NCOR2: variants seen among roughly 807,000 people sequenced by gnomAD.
The protein encoded by NCOR2 is CTG repeat protein 26.
In NCOR2, 81 loss-of-function variants were observed where a neutral mutation model predicts 262.9. That is an observed-to-expected ratio of 0.31 (90% CI 0.26 to 0.37). The LOEUF (loss-of-function observed/expected upper bound fraction) is 0.37, where lower values mean the gene tolerates loss of function less well. Among genes scored for constraint, NCOR2 ranks in the 10% least tolerant of loss-of-function variants. The pLI is 1.00. For synonymous variants in NCOR2, 1,659 were observed against 1,559.3 expected (o/e 1.06, Z -1.51); for missense variants, 3,385 against 3,621.4 (o/e 0.93, Z 1.68).
chr12:124,349,307 C>T (rs762309405), intron 28 of NCOR2, among the ~76,000 whole-genome samples: 7 of 152,182 alleles, frequency 4.6e-5, no homozygotes, highest in African/African-American at 7.2e-5. Context: ...AAATGAGCCC[C>T]GGGAGCCCCC....
chr12:124,405,929 A>G (rs1461180546), intron 13 of NCOR2, among the ~76,000 whole-genome samples: 1 of 152,124 alleles, frequency 6.6e-6, no homozygotes, highest in Non-Finnish European at 1.5e-5. Context: ...TCAAGGTCCC[A>G]TGACATTGGC....
At chr12:124,324,545 G>A (rs2034499208) in exon 47 of NCOR2, 1 of 152,340 alleles carries the variant, frequency 6.6e-6, no homozygotes, top group African/African-American at 2.4e-5. Context: ...GGAGGACACA[G>A]CGGGGCGTGA....
intron 41 of NCOR2, 75 bp downstream of exon 43, chr12:124,334,349 C>A: frequency 3.5e-6 from 4 of 1,153,574 alleles, no homozygotes; most frequent in Non-Finnish European, 4.9e-6. Flanking sequence ...GAGCTCAGAC[C>A]CAGCTCTGAG....
Position 124,495,245 on chromosome 12 carries a change from C to G in NCOR2, c.7G>C (p.Gly3Arg). ...GTCTGTGCCACAGGCTGTGTGGATC[C>G]CGACATGGTGGTGGGGGTCGGCGGG... Residue 3 changes from glycine (G) to arginine (R), a missense_variant, in exon 1 of 47, where the codon GGA (glycine) becomes CGA (arginine). By Grantham distance (125) the Gly-to-Arg change is moderately radical. This residue lies in a region of NCOR2 where 237 missense variants were observed against 229.4 expected (regional missense o/e 1.03). Coordinates refer to ENST00000405201, the Ensembl canonical transcript of NCOR2. The surrounding 1 kb of genome is among the most constrained non-coding windows in gnomAD (Gnocchi z 4.4). 1 of 1,612,228 alleles carries G rather than the reference C, an allele frequency of 6.2e-7. No homozygotes were observed.
chr12:124,358,110 C>CATGT, intron 22 of NCOR2, among the ~76,000 whole-genome samples: 1 of 88,004 alleles, frequency 1.1e-5, no homozygotes, highest in Middle Eastern at 0.012. Context: ...CGCGCACGTG[C>CATGT]GTGCGTGTGA....
chr12:124,486,354 T>C, intron 2 of NCOR2, 87 bp downstream of exon 4: 2 of 1,554,366 alleles, frequency 1.3e-6, no homozygotes, highest in Non-Finnish European at 1.7e-6. Context: ...GGACCCTGTG[T>C]GCTCCTGCTC....
intron 22 of NCOR2, among the ~76,000 whole-genome samples, chr12:124,360,004 C>T (rs1032165966): frequency 6.6e-6 from 1 of 152,352 alleles, no homozygotes; most frequent in East Asian, 1.9e-4. Flanking sequence ...CGGCACAGGC[C>T]CTGGCCACAC....
chr12:124,531,817 A>T lies in NCOR2; in HGVS notation c.-118+3748T>A, dbSNP rs939896. 0.25 allele frequency among the ~76,000 whole-genome samples: 35,694 copies of T among 144,964 alleles called. 5,018 individuals are homozygous for T. The highest frequency in any genetic ancestry group is 0.32 in the Non-Finnish European group (21,541 of 66,524). ...CCGATCACCCGCCCAGGGTACCCCGAGACCCCAGCCCCCACCCACACCGGA... is the reference window on the plus strand; with the variant it reads ...CCGATCACCCGCCCAGGGTACCCCGTGACCCCAGCCCCCACCCACACCGGA... On this transcript the variant is annotated intron_variant, in intron 1 of 46. Coordinates refer to the NCOR2 transcript ENST00000404621. This position sits in a 1 kb window ranked among gnomAD's most constrained non-coding sequence, Gnocchi z 4.5.
chr12:124,416,681 C>T (rs2042884128), intron 13 of NCOR2, among the ~76,000 whole-genome samples: 1 of 143,154 alleles, frequency 7.0e-6, no homozygotes, highest in African/African-American at 2.6e-5. Flanking sequence ...GGGAGACCCG[C>T]GACACAGGGA....
intron 17 of NCOR2, among the ~76,000 whole-genome samples, chr12:124,382,993 C>A (rs529330510): frequency 1.2e-4 from 19 of 152,196 alleles, no homozygotes; most frequent in Non-Finnish European, 2.4e-4. Flanking sequence ...AGCTCCAAAG[C>A]CCTGCTCTGC....
In NCOR2 at chr12:124,457,255, C is replaced by T; in HGVS notation, c.706-93G>A. The stretch of plus-strand genomic sequence containing the variant: ...CTTCCCGGAGCAGCGGGCACCTGCC[C>T]AGCCCAGTCCAGCATGCTGATCCTC... On this transcript the variant is annotated intron_variant, in intron 5 of 46. Transcript: ENST00000405201. The surrounding 1 kb of genome is among the most constrained non-coding windows in gnomAD (Gnocchi z 4.0). The T allele has an allele frequency of 1.5e-6, 2 of 1,315,118 alleles. No individual in the cohort carries two copies. The highest frequency in any genetic ancestry group is 2.1e-4 in the Middle Eastern group (1 of 4,810). 81.5% of individuals were successfully genotyped at this position (1,315,118 alleles called of 1,614,324 possible).
chr12:124,347,349 C>G lies in NCOR2; in HGVS notation c.4072+476G>C, dbSNP rs946400294. ...TGCCACTGCACTCCAGCCTGGGCAACAGAATGAGACCCTGTCTCAAACAGC... is the reference window on the plus strand; with the variant it reads ...TGCCACTGCACTCCAGCCTGGGCAAGAGAATGAGACCCTGTCTCAAACAGC... On this transcript the variant is annotated intron_variant, in intron 30 of 46. Coordinates refer to ENST00000405201, the Ensembl canonical transcript of NCOR2. The G allele has an allele frequency of 2.9e-5, 5 of 171,496 alleles. No homozygotes were observed. The Admixed American group carries it at 2.9e-4, about 10-fold the overall frequency. 10.6% of individuals were successfully genotyped at this position (171,496 alleles called of 1,614,324 possible).
At chr12:124,374,053 C>A (rs1052102993) in intron 19 of NCOR2, among the ~76,000 whole-genome samples, 1 of 152,200 alleles carries the variant, frequency 6.6e-6, no homozygotes, top group Non-Finnish European at 1.5e-5. Flanking sequence ...CTCTAGCCCC[C>A]AAACCCACAC....
At chr12:124,557,099 C>A (rs555645493) in intron 1 of NCOR2, among the ~76,000 whole-genome samples, 1 of 152,324 alleles carries the variant, frequency 6.6e-6, no homozygotes, top group Admixed American at 6.5e-5. Context: ...GCTTTCAGAG[C>A]AGCAGCGGGA....
At chr12:124,356,315 C>T (rs1669599482) in intron 23 of NCOR2, among the ~76,000 whole-genome samples, 1 of 152,218 alleles carries the variant, frequency 6.6e-6, no homozygotes, top group African/African-American at 2.4e-5. Context: ...ACCAAGGTAG[C>T]GCCTCTGCTC....
upstream of NCOR2, among the ~76,000 whole-genome samples, chr12:124,497,950 G>C (rs1348227519): frequency 6.6e-6 from 1 of 152,192 alleles, no homozygotes; most frequent in Admixed American, 6.5e-5. The surrounding 1 kb of genome is among the most constrained non-coding windows in gnomAD (Gnocchi z 4.2). Flanking sequence ...CCAGGACCCA[G>C]CCCTGTTCTA....
chr12:124,340,092 G>T (rs763306041), exon 37 of NCOR2: 2 of 1,613,018 alleles, frequency 1.2e-6, no homozygotes, highest in Non-Finnish European at 1.7e-6. Flanking sequence ...TCTGCTGGAG[G>T]GCATCCTGGG....
intron 1 of NCOR2, among the ~76,000 whole-genome samples, chr12:124,557,499 A>G (rs1401500382): frequency 6.6e-6 from 1 of 152,070 alleles, no homozygotes; most frequent in Non-Finnish European, 1.5e-5. Context: ...GACACGGGCC[A>G]CTGGATTTAG....
In NCOR2 at chr12:124,333,122, A is replaced by G; in HGVS notation, c.6755+8T>C. 6.3e-7 allele frequency: 1 copy of G among 1,595,382 alleles called. No individual in the cohort carries two copies. The highest frequency in any genetic ancestry group is 8.6e-7 in the Non-Finnish European group (1 of 1,169,296). On this transcript the variant is annotated splice_region_variant and intron_variant, in intron 42 of 46. Coordinates refer to ENST00000405201, the Ensembl canonical transcript of NCOR2. ...TCCCGGGGGCAGCGCATGTGCCCAC[A>G]GAAGTACCTGGGCTCCGTCTGTTCC...
Sources: gnomAD v4.1 joint callset for allele counts (sites outside exome capture counted in the v4.1 genomes callset) on GRCh38, gnomAD v4.1.1 for gene constraint, gnomAD v4.1.1 regional missense constraint, Gnocchi (gnomAD v3.1) non-coding constraint, MANE v1.5 for transcripts, NCBI Gene and HGNC (gene_info 2026-07-23, HGNC 2026-07-21) for gene names.